Variants in TMCC1 observed in about 807,000 individuals in gnomAD.
TMCC1 encodes transmembrane and coiled-coil domains protein 1.
TMCC1 carries 15 observed loss-of-function variants against 52.4 expected under a neutral mutation model. That is an observed-to-expected ratio of 0.29 (90% CI 0.19 to 0.44). The LOEUF (loss-of-function observed/expected upper bound fraction) is 0.44. Among genes scored for constraint, TMCC1 ranks in the 20% least tolerant of loss-of-function variants. TMCC1 has a pLI of 1.00. For synonymous variants in TMCC1, 279 were observed against 301.9 expected (o/e 0.92, Z 0.79); for missense variants, 503 against 806.0 (o/e 0.62, Z 4.55).
chr3:129,753,174 T>C (rs1285750367), intron 4 of TMCC1, among the ~76,000 whole-genome samples: 1 of 152,192 alleles, frequency 6.6e-6, no homozygotes, highest in Admixed American at 6.6e-5. Context: ...TAGCCAAATA[T>C]ATGTCTGAAT....
At position 129,803,029 on chromosome 3, in the gene TMCC1, C is replaced by T. The variant is rs529232124; in HGVS notation, c.576+24774G>A. The stretch of plus-strand genomic sequence containing the variant: ...GGCAAAAGACATAAGGGCAAGAGAG[C>T]ATGCACAAGAGTGAGAGAAAGGAGC... On this transcript the variant is annotated intron_variant, in intron 4 of 6. Coordinates refer to ENST00000393238, the MANE Select transcript of TMCC1 (RefSeq NM_001017395.5). Among the ~76,000 whole-genome samples, 458 of 152,304 alleles carry T rather than the reference C, an allele frequency of 3.0e-3. 2 individuals are homozygous for T. The highest frequency in any genetic ancestry group is 0.011 in the African/African-American group (443 of 41,554).
At chr3:129,754,276 A>T (rs2052793479) in intron 4 of TMCC1, among the ~76,000 whole-genome samples, 1 of 152,216 alleles carries the variant, frequency 6.6e-6, no homozygotes, top group Non-Finnish European at 1.5e-5. Flanking sequence ...ATTTACTGGA[A>T]GACTCAATAT....
chr3:129,750,741 A>AT (rs2052433001), intron 4 of TMCC1, among the ~76,000 whole-genome samples: 1 of 148,788 alleles, frequency 6.7e-6, no homozygotes, highest in Non-Finnish European at 1.5e-5. Context: ...TGCCCGGCTA[A>AT]TTTTTTTGTA....
At chr3:129,882,322 C>A in intron 1 of TMCC1, among the ~76,000 whole-genome samples, 1 of 151,348 alleles carries the variant, frequency 6.6e-6, no homozygotes. Flanking sequence ...CCACTCATAC[C>A]CATTAGGGAT....
intron 4 of TMCC1, among the ~76,000 whole-genome samples, chr3:129,730,108 T>A (rs147940247): frequency 9.9e-4 from 151 of 152,266 alleles, no homozygotes; most frequent in African/African-American, 3.5e-3. Context: ...TTTGCACCAT[T>A]GTAAAGTCAA....
At chr3:129,834,661 T>C (rs953217226) in intron 2 of TMCC1, among the ~76,000 whole-genome samples, 5 of 152,066 alleles carry the variant, frequency 3.3e-5, no homozygotes, top group African/African-American at 1.2e-4. Context: ...AACTTATAAT[T>C]TAGAAAAAGA....
intron 5 of TMCC1, among the ~76,000 whole-genome samples, chr3:129,655,698 G>C (rs1033180140): frequency 3.3e-5 from 5 of 152,226 alleles, no homozygotes; most frequent in African/African-American, 4.8e-5. Flanking sequence ...GAATATTGTG[G>C]TAAGCAAGAC....
At chr3:129,760,484 G>GTGTGTA (rs2053461733) in intron 4 of TMCC1, among the ~76,000 whole-genome samples, 4 of 141,188 alleles carry the variant, frequency 2.8e-5, no homozygotes, top group Non-Finnish European at 5.9e-5. Flanking sequence ...GTGTGTGTGT[G>GTGTGTA]TGTGTGTGTG....
chr3:129,860,817 C>T (rs938696761), intron 2 of TMCC1: 4 of 152,150 alleles, frequency 2.6e-5, no homozygotes, highest in African/African-American at 7.2e-5. Flanking sequence ...CCAGCCTGGT[C>T]TCGGATTCCT....
intron 4 of TMCC1, among the ~76,000 whole-genome samples, chr3:129,745,031 G>A (rs963671450): frequency 2.6e-5 from 4 of 152,114 alleles, no homozygotes; most frequent in Non-Finnish European, 5.9e-5. Context: ...CAATTTCAAG[G>A]GGAGATGTAG....
chr3:129,681,448 CGTT>C (rs2088971710), intron 4 of TMCC1, among the ~76,000 whole-genome samples: 1 of 150,608 alleles, frequency 6.6e-6, no homozygotes, highest in South Asian at 2.1e-4. Flanking sequence ...AAGTAGTCAA[CGTT>C]TTTTTTTTTC....
chr3:129,790,136 G>C (rs2056349361), intron 4 of TMCC1, among the ~76,000 whole-genome samples: 1 of 152,130 alleles, frequency 6.6e-6, no homozygotes, highest in African/African-American at 2.4e-5. Context: ...TTATTTCAAT[G>C]ATTTTTAATA....
At chr3:129,757,563 G>A (rs1401846879) in intron 4 of TMCC1, among the ~76,000 whole-genome samples, 5 of 152,188 alleles carry the variant, frequency 3.3e-5, no homozygotes, top group Non-Finnish European at 5.9e-5. Flanking sequence ...GCTCATGCCT[G>A]TAATCCCAGC....
At chr3:129,766,408 A>C (rs1435445398) in intron 4 of TMCC1, among the ~76,000 whole-genome samples, 1 of 152,210 alleles carries the variant, frequency 6.6e-6, no homozygotes, top group Non-Finnish European at 1.5e-5. Context: ...CTGAGCTAGC[A>C]TGCACAGAGA....
chr3:129,856,179 T>C (rs1186517269), intron 2 of TMCC1, among the ~76,000 whole-genome samples: 1 of 152,224 alleles, frequency 6.6e-6, no homozygotes, highest in Non-Finnish European at 1.5e-5. Context: ...GTGGGGAATA[T>C]TCAGGATAAT....
chr3:129,779,864 A>ATCAATTAT (rs1342626124), intron 4 of TMCC1, among the ~76,000 whole-genome samples: 1 of 152,186 alleles, frequency 6.6e-6, no homozygotes, highest in African/African-American at 2.4e-5. Flanking sequence ...ATCTTGAGTT[A>ATCAATTAT]TCAATTACTT....
At chr3:129,709,665 C>T (rs1203825205) in intron 4 of TMCC1, among the ~76,000 whole-genome samples, 2 of 151,920 alleles carry the variant, frequency 1.3e-5, no homozygotes, top group Admixed American at 6.6e-5. Flanking sequence ...AAATGAAGAA[C>T]ATTCTGTTTA....
intron 2 of TMCC1, among the ~76,000 whole-genome samples, chr3:129,864,030 G>A (rs142034930): frequency 2.6e-5 from 4 of 152,082 alleles, no homozygotes; most frequent in African/African-American, 7.2e-5. Flanking sequence ...AGAAGTTATC[G>A]GGTTCATGCT....
At chr3:129,861,613 C>A (rs2060402116) in intron 2 of TMCC1, among the ~76,000 whole-genome samples, 1 of 152,112 alleles carries the variant, frequency 6.6e-6, no homozygotes, top group South Asian at 2.1e-4. Flanking sequence ...CCAAAAGACA[C>A]ATTAAAAGAT....
Sources: allele counts gnomAD v4.1 joint callset (sites outside exome capture counted in the v4.1 genomes callset), GRCh38; gene constraint gnomAD v4.1.1; transcripts MANE v1.5; gene names NCBI Gene and HGNC (gene_info 2026-07-23, HGNC 2026-07-21).